Variants in CSMD3 observed in about 807,000 individuals in gnomAD.
CSMD3 encodes the protein CUB and Sushi multiple domains 3.
CSMD3 carries 177 observed loss-of-function variants against 435.2 expected under a neutral mutation model. The ratio of observed to expected loss-of-function variants is 0.41; its 90% confidence interval spans 0.36 to 0.46. CSMD3 has a LOEUF of 0.46. Ranked by LOEUF, CSMD3 falls within the 20% of genes least tolerant of loss-of-function variation. CSMD3 has a pLI of 0.34. For synonymous variants in CSMD3, 1,656 were observed against 1,520.5 expected (o/e 1.09, Z -2.07); for missense variants, 4,265 against 4,504.6 (o/e 0.95, Z 1.52).
chr8:113,330,229 TAA>T (rs1437478335), intron 1 of CSMD3, among the ~76,000 whole-genome samples: 3 of 152,048 alleles, frequency 2.0e-5, no homozygotes, highest in African/African-American at 7.2e-5. Flanking sequence ...TTTTGGAAAT[TAA>T]GTTAGTATTA....
chr8:112,755,338 A>AATG (rs1308409718), intron 13 of CSMD3, among the ~76,000 whole-genome samples: 2 of 116,194 alleles, frequency 1.7e-5, no homozygotes, highest in African/African-American at 7.8e-5. Flanking sequence ...CTCAAATAAT[A>AATG]ATAATAATAA....
intron 52 of CSMD3, among the ~76,000 whole-genome samples, chr8:112,302,874 T>C (rs1014381132): frequency 6.6e-6 from 1 of 151,036 alleles, no homozygotes; most frequent in South Asian, 2.1e-4. Context: ...TATTATTAAT[T>C]CTAATATTTA....
chr8:113,183,457 T>C (rs1259826117), intron 3 of CSMD3, among the ~76,000 whole-genome samples: 1 of 152,046 alleles, frequency 6.6e-6, no homozygotes, highest in Non-Finnish European at 1.5e-5. Flanking sequence ...TGCCTTTTCA[T>C]TGGAGCTACC....
At chr8:113,072,486 T>G in intron 5 of CSMD3, among the ~76,000 whole-genome samples, 1 of 151,778 alleles carries the variant, frequency 6.6e-6, no homozygotes, top group East Asian at 1.9e-4. Context: ...ATATCTGTTT[T>G]GTTTAGATAT....
chr8:112,451,957 C>A (rs375971894), intron 32 of CSMD3, among the ~76,000 whole-genome samples: 1 of 152,046 alleles, frequency 6.6e-6, no homozygotes, highest in Admixed American at 6.6e-5. Flanking sequence ...TAGATACTAA[C>A]GTTTCCCATA....
intron 13 of CSMD3, among the ~76,000 whole-genome samples, chr8:112,719,848 A>G (rs1319519057): frequency 6.6e-6 from 1 of 152,248 alleles, no homozygotes; most frequent in Non-Finnish European, 1.5e-5. Context: ...AATATCTTTC[A>G]GCACTAAAAA....
intron 10 of CSMD3, among the ~76,000 whole-genome samples, chr8:112,914,023 C>T (rs961485527): frequency 2.6e-5 from 4 of 151,688 alleles, no homozygotes; most frequent in African/African-American, 9.7e-5. Flanking sequence ...TTTTCCCTCC[C>T]CTTACCTAAT....
Position 112,638,817 on chromosome 8 carries a change from G to A in CSMD3, c.3405C>T (p.Arg1135=), listed in dbSNP as rs2074737232. ...TTGGAGGAAGATCTGAACCAGTCAG[G>A]CGTGCCAGTGGTTGGGTAAAACTGC... The part of the protein sequence containing the change: ...ENGSFTQPLA[R]LTGSDLPPTI... The change falls in exon 21 of 71, where the codon CGC becomes CGT. Residue 1135 remains arginine (R), a synonymous_variant. Transcript: ENST00000297405. 1.9e-6 allele frequency: 3 copies of A among 1,611,584 alleles called. No individual in the cohort carries two copies. The highest frequency in any genetic ancestry group is 1.7e-5 in the Admixed American group (1 of 59,872).
At chr8:112,575,200 T>C (rs1275129370) in intron 23 of CSMD3, among the ~76,000 whole-genome samples, 2 of 151,978 alleles carry the variant, frequency 1.3e-5, no homozygotes, top group African/African-American at 4.8e-5. Flanking sequence ...CTCCTAAATG[T>C]TCTCTTCTAA....
At chr8:112,867,253 A>G (rs1467827496) in intron 10 of CSMD3, among the ~76,000 whole-genome samples, 3 of 152,114 alleles carry the variant, frequency 2.0e-5, no homozygotes, top group African/African-American at 2.4e-5. Flanking sequence ...TTGCTCAACC[A>G]TCATCATTGG....
chr8:113,063,504 AT>A (rs2131373403), intron 5 of CSMD3, among the ~76,000 whole-genome samples: 1 of 152,116 alleles, frequency 6.6e-6, no homozygotes, highest in East Asian at 1.9e-4. Flanking sequence ...TAGTGACAAG[AT>A]TCATGTCAAG....
chr8:113,279,904 T>C (rs971983853), intron 2 of CSMD3, among the ~76,000 whole-genome samples: 1 of 151,902 alleles, frequency 6.6e-6, no homozygotes, highest in African/African-American at 2.4e-5. Flanking sequence ...CAATGTTTTT[T>C]CTGCATCTGT....
intron 17 of CSMD3, among the ~76,000 whole-genome samples, chr8:112,664,699 T>C (rs1254851762): frequency 6.6e-6 from 1 of 152,074 alleles, no homozygotes; most frequent in Non-Finnish European, 1.5e-5. Context: ...AGTGAGATCA[T>C]ATAGATGGGC....
intron 10 of CSMD3, among the ~76,000 whole-genome samples, chr8:112,889,252 GA>G (rs1164499930): frequency 6.6e-6 from 1 of 151,604 alleles, no homozygotes; most frequent in Non-Finnish European, 1.5e-5. Context: ...AGAGCAATGA[GA>G]TATCATCATT....
At chr8:113,413,640 C>A (rs2094569188) in intron 1 of CSMD3, among the ~76,000 whole-genome samples, 1 of 151,988 alleles carries the variant, frequency 6.6e-6, no homozygotes, top group Non-Finnish European at 1.5e-5. Context: ...CAAAAGAAGG[C>A]AAAGAGTAAT....
At chr8:112,555,613 G>T (rs1329454531) in intron 25 of CSMD3, among the ~76,000 whole-genome samples, 2 of 151,968 alleles carry the variant, frequency 1.3e-5, no homozygotes, top group Non-Finnish European at 2.9e-5. Flanking sequence ...ATTTTAGTTA[G>T]ATAAAACCAT....
intron 27 of CSMD3, among the ~76,000 whole-genome samples, chr8:112,529,656 A>T (rs1825331765): frequency 6.6e-6 from 1 of 151,614 alleles, no homozygotes. Flanking sequence ...GTTGGTAGAG[A>T]CTCTAGAATC....
chr8:113,278,407 T>C (rs371210875), intron 3 of CSMD3, among the ~76,000 whole-genome samples, 185 bp downstream of exon 3: 1 of 151,820 alleles, frequency 6.6e-6, no homozygotes, highest in African/African-American at 2.4e-5. Context: ...CATAGTGATA[T>C]AAAATATTAA....
intron 3 of CSMD3, among the ~76,000 whole-genome samples, chr8:113,206,533 AT>A (rs969853040): frequency 1.3e-5 from 2 of 151,872 alleles, no homozygotes; most frequent in African/African-American, 4.8e-5. Context: ...GTAGTTTTTA[AT>A]TTTTTTCTGT....
Sources: gnomAD v4.1 joint callset for allele counts (sites outside exome capture counted in the v4.1 genomes callset) on GRCh38, gnomAD v4.1.1 for gene constraint, MANE v1.5 for transcripts, NCBI Gene and HGNC (gene_info 2026-07-23, HGNC 2026-07-21) for gene names.